The following OSBPL6 variants were observed in gnomAD, a reference collection of about 807,000 sequenced individuals.
The protein encoded by OSBPL6 is oxysterol-binding protein-related protein 6.
Under a neutral mutation model 125.8 loss-of-function variants are expected in OSBPL6, and 49 were observed. The ratio of observed to expected loss-of-function variants is 0.39; its 90% CI spans 0.31 to 0.49. The LOEUF (loss-of-function observed/expected upper bound fraction) is 0.49, where lower values mean the gene tolerates loss of function less well. OSBPL6 is among the 20% of genes least tolerant of loss of function. OSBPL6 has a pLI of 0.88. For missense variants in OSBPL6, 986 were observed against 1,135.4 expected, an observed-to-expected ratio of 0.87 and a Z score of 1.89; for synonymous variants, 394 against 391.8, an observed-to-expected ratio of 1.01 and a Z score of -0.07.
At position 178,260,154 on chromosome 2, in the gene OSBPL6, A is replaced by T. The variant is rs889916303; in HGVS notation, c.-350-24773A>T. Among the ~76,000 whole-genome samples the T allele has an allele frequency of 2.6e-5, 4 of 152,128 alleles. No individual in the cohort carries two copies. In the East Asian group the frequency reaches 7.7e-4, roughly 29 times the overall value. ...AGAAAAGCAGGATAAATTCTTTATT[A>T]TTTTCTTTTATGCACCAGTTTCAAG... On this transcript the variant is annotated intron_variant, in intron 1 of 24. Transcript: ENST00000190611.
intron 1 of OSBPL6, among the ~76,000 whole-genome samples, chr2:178,241,270 C>T (rs935623795): frequency 5.9e-5 from 9 of 151,790 alleles, no homozygotes; most frequent in African/African-American, 1.9e-4. Context: ...CACGCCACCA[C>T]GCCCAGCTAA....
intron 1 of OSBPL6, among the ~76,000 whole-genome samples, chr2:178,240,495 G>T (rs1451935161): frequency 6.6e-6 from 1 of 152,146 alleles, no homozygotes; most frequent in Non-Finnish European, 1.5e-5. Context: ...TTGAACCCAG[G>T]AGATGGAGGT....
intron 3 of OSBPL6, 65 bp downstream of exon 3, chr2:178,306,351 G>A: frequency 1.0e-6 from 1 of 977,506 alleles, no homozygotes; most frequent in South Asian, 1.4e-5. Context: ...GAGATAGGAT[G>A]GGGTTGCTAA....
chr2:178,358,078 G>T (rs1351052283), intron 12 of OSBPL6, among the ~76,000 whole-genome samples: 1 of 152,138 alleles, frequency 6.6e-6, no homozygotes, highest in Non-Finnish European at 1.5e-5. Context: ...GCTGGGGCCT[G>T]TCCAGGGGTG....
intron 1 of OSBPL6, among the ~76,000 whole-genome samples, chr2:178,209,506 C>T (rs2089734733): frequency 6.7e-6 from 1 of 149,468 alleles, no homozygotes; most frequent in African/African-American, 2.5e-5. Flanking sequence ...TTCTGTCACC[C>T]CTCTGAGGTT....
In OSBPL6 at chr2:178,305,296, A is replaced by G. The variant is rs2154058089; in HGVS notation, c.-155-734A>G. ...CATAGCTGTGTTGGAGACAAGGCCA[A>G]TTTAAGAGCTTCTCTCTGACACAAG... is the stretch of plus-strand genomic sequence containing the variant. On this transcript the variant is annotated intron_variant, in intron 2 of 24. Coordinates refer to ENST00000190611, the MANE Select transcript of OSBPL6 (RefSeq NM_032523.4). Among the ~76,000 whole-genome samples the G allele has an allele frequency of 2.0e-5, 3 of 152,316 alleles. No homozygotes were observed. In the South Asian group the frequency reaches 6.2e-4, roughly 32 times the overall value.
chr2:178,367,864 G>T (rs1693000231), intron 13 of OSBPL6, among the ~76,000 whole-genome samples: 2 of 152,164 alleles, frequency 1.3e-5, no homozygotes, highest in South Asian at 2.1e-4. Flanking sequence ...GCTTCAAGGT[G>T]CTTCCTCCCT....
At chr2:178,238,272 G>A (rs990877845) in intron 1 of OSBPL6, among the ~76,000 whole-genome samples, 3 of 152,052 alleles carry the variant, frequency 2.0e-5, no homozygotes, top group South Asian at 2.1e-4. Context: ...ATCTCATGCC[G>A]CCCTGCTCTG....
In OSBPL6 at chr2:178,349,421, A is replaced by G. The variant is rs746539549; in HGVS notation, c.1153+32A>G. The G allele has an allele frequency of 1.9e-6, 3 of 1,597,482 alleles. No homozygotes were observed. In the African/African-American group the frequency reaches 4.0e-5, roughly 21 times the overall value. On this transcript the variant is annotated intron_variant, in intron 12 of 24. Coordinates refer to ENST00000190611, the MANE Select transcript of OSBPL6 (RefSeq NM_032523.4). The stretch of plus-strand genomic sequence containing the variant: ...ACAAAAATAATGCGCCCTTTAAAGA[A>G]GCTCTCTTCTTTGATGAAAGATTAT...
chr2:178,352,310 G>A lies in OSBPL6; in HGVS notation c.1153+2921G>A, dbSNP rs1691335801. ...TTACCTCTCCCAGGAAGCATGAGGGGTCAGGGGATTTCCATTTCCTAACCG... is the reference window on the plus strand; with the variant it reads ...TTACCTCTCCCAGGAAGCATGAGGGATCAGGGGATTTCCATTTCCTAACCG... On this transcript the variant is annotated intron_variant, in intron 12 of 24. Transcript: ENST00000190611. Among the ~76,000 whole-genome samples the A allele has an allele frequency of 2.0e-5, 3 of 152,312 alleles. No individual in the cohort carries two copies. The South Asian group carries it at 6.2e-4, about 32-fold the overall frequency.
At chr2:178,205,787 A>G (rs1211613364) in intron 1 of OSBPL6, among the ~76,000 whole-genome samples, 2 of 152,204 alleles carry the variant, frequency 1.3e-5, no homozygotes, top group Non-Finnish European at 2.9e-5. Context: ...ATAGATTTGT[A>G]TATTTCCAGA....
At chr2:178,359,460 T>A (rs1414490336) in intron 12 of OSBPL6, among the ~76,000 whole-genome samples, 1 of 151,992 alleles carries the variant, frequency 6.6e-6, no homozygotes, top group Non-Finnish European at 1.5e-5. Context: ...GGAGTGTACG[T>A]TGGTGCAGCC....
At chr2:178,226,066 G>A (rs893662508) in intron 1 of OSBPL6, among the ~76,000 whole-genome samples, 2 of 152,198 alleles carry the variant, frequency 1.3e-5, no homozygotes, top group Non-Finnish European at 2.9e-5. Flanking sequence ...ACCTTTTCTG[G>A]GCCATAAGCA....
intron 11 of OSBPL6, among the ~76,000 whole-genome samples, chr2:178,343,086 G>T (rs373691611): frequency 4.8e-4 from 73 of 152,192 alleles, no homozygotes; most frequent in African/African-American, 1.7e-3. Context: ...CGTAATTTTG[G>T]AACTTTTTTG....
chr2:178,211,021 T>C (rs896627875), intron 1 of OSBPL6, among the ~76,000 whole-genome samples: 14 of 152,024 alleles, frequency 9.2e-5, no homozygotes, highest in African/African-American at 4.8e-5. Flanking sequence ...GTGGTTCACG[T>C]CTGTAATTCC....
At position 178,391,358 on chromosome 2, in the gene OSBPL6, A is replaced by G. The variant is rs1335541681; in HGVS notation, c.2446+141A>G. ...AAGCGTAGATGCTTATGGCAATTAT[A>G]GTTACATTCATACTTAACATAGAAG... On this transcript the variant is annotated intron_variant, in intron 22 of 24. Coordinates refer to ENST00000190611, the MANE Select transcript of OSBPL6 (RefSeq NM_032523.4). The G allele has an allele frequency of 2.3e-5, 19 of 826,728 alleles. No individual in the cohort carries two copies. The South Asian group carries it at 5.5e-4, about 24-fold the overall frequency. The allele number at this position is 826,728 out of a possible 1,614,324, so 51.2% of individuals were successfully genotyped here. A position where few individuals can be genotyped will look rare whatever the true frequency, so the allele number is the denominator to read the frequency against.
At chr2:178,242,687 G>A (rs1249450352) in intron 1 of OSBPL6, among the ~76,000 whole-genome samples, 1 of 152,194 alleles carries the variant, frequency 6.6e-6, no homozygotes, top group Non-Finnish European at 1.5e-5. Context: ...CTGAATCAAT[G>A]GTTGATGCAG....
At chr2:178,297,457 C>T (rs1215105262) in intron 2 of OSBPL6, among the ~76,000 whole-genome samples, 2 of 152,062 alleles carry the variant, frequency 1.3e-5, no homozygotes, top group Non-Finnish European at 2.9e-5. Flanking sequence ...AGAAAAAGAA[C>T]TAATATTAGG....
rs1367585005 is a variant in OSBPL6, at chr2:178,399,759, ACT to A, written c.*4201_*4202del. 1 of 152,202 alleles carries A rather than the reference ACT, an allele frequency of 6.6e-6. No homozygotes were observed. Among genetic ancestry groups the A allele is most frequent in the Non-Finnish European group, 1.5e-5 (1 of 68,032 alleles). The allele number at this position is 152,202 out of a possible 1,614,324, so 9.4% of individuals were successfully genotyped here. On this transcript the variant is annotated 3_prime_UTR_variant, in exon 25 of 25. Transcript: ENST00000190611. Reference sequence around the variant, plus strand: ...TAGATACACATGTATGTTCTTTTACACTGTGTCATTGTTTGTAAAATATACAG... The same window carrying A: ...TAGATACACATGTATGTTCTTTTACAGTGTCATTGTTTGTAAAATATACAG...
Sources: allele counts gnomAD v4.1 joint callset (sites outside exome capture counted in the v4.1 genomes callset), GRCh38; gene constraint gnomAD v4.1.1; transcripts MANE v1.5; gene names NCBI Gene and HGNC (gene_info 2026-07-23, HGNC 2026-07-21).